Variants in TUSC3 observed in about 807,000 individuals in gnomAD.
TUSC3 encodes the protein tumor suppressor candidate 3.
In TUSC3, 45 loss-of-function variants were observed where a neutral mutation model predicts 44.8. That is an observed-to-expected ratio of 1.00 (90% CI 0.79 to 1.29). TUSC3 has a LOEUF of 1.29. TUSC3 is among the 50% of genes most tolerant of loss of function. TUSC3 has a pLI of 0.00. For missense variants in TUSC3, 519 were observed against 437.9 expected (o/e 1.19, Z -1.65); for synonymous variants, 212 against 152.9 (o/e 1.39, Z -2.85).
At chr8:15,527,485 G>T (rs2129130332) in intron 2 of TUSC3, among the ~76,000 whole-genome samples, 1 of 152,228 alleles carries the variant, frequency 6.6e-6, no homozygotes, top group South Asian at 2.1e-4. Flanking sequence ...CCAAAGTGCT[G>T]GGATTACAGA....
chr8:15,666,846 A>G (rs775413584), intron 5 of TUSC3, among the ~76,000 whole-genome samples: 2 of 151,608 alleles, frequency 1.3e-5, no homozygotes, highest in East Asian at 1.9e-4. Flanking sequence ...AGGTATTTCT[A>G]TGTATAGCCA....
the TUSC3 span, among the ~76,000 whole-genome samples, chr8:15,839,325 C>T: frequency 2.6e-5 from 4 of 151,954 alleles, no homozygotes; most frequent in African/African-American, 9.7e-5. Flanking sequence ...TTGACTTCCT[C>T]TTTTCCTAAT....
chr8:15,448,117 A>ATATATATATATATATT lies in TUSC3; in HGVS notation n.91+30815_91+30816insATATATATATATTTAT, dbSNP rs1276079521. 5.5e-4 allele frequency among the ~76,000 whole-genome samples: 51 copies of ATATATATATATATATT among 93,350 alleles called. 2 individuals are homozygous for ATATATATATATATATT. The highest frequency in any genetic ancestry group is 3.2e-3 in the Admixed American group (29 of 9,174). The allele number at this position is 93,350 out of a possible 152,430, so 61.2% of individuals were successfully genotyped here. The stretch of plus-strand genomic sequence containing the variant: ...TATGGTAGTGTATATACATATATAT[A>ATATATATATATATATT]TATTTATTTATTTATTTTTTAGATG... On this transcript the variant is annotated intron_variant and non_coding_transcript_variant, in intron 1 of 5. Coordinates refer to the TUSC3 transcript ENST00000503191.
intron 6 of TUSC3, among the ~76,000 whole-genome samples, chr8:15,676,080 C>A (rs1316028439): frequency 2.6e-5 from 4 of 152,140 alleles, no homozygotes; most frequent in African/African-American, 9.7e-5. Flanking sequence ...TTCTACACAG[C>A]CTTGCCAGCA....
In TUSC3 at chr8:15,492,951, C is replaced by G. The variant is rs536967618; in HGVS notation, n.189+9468C>G. Among the ~76,000 whole-genome samples the G allele has an allele frequency of 3.9e-5, 6 of 152,180 alleles. No homozygotes were observed. The East Asian group carries it at 1.2e-3, about 29-fold the overall frequency. On this transcript the variant is annotated intron_variant and non_coding_transcript_variant, in intron 2 of 5. Transcript: ENST00000503191. ...TGAAAAAAAGACAAAACTGTTGCCA[C>G]TGCACTCCAGCCTGTGTAACAGAGA... is the stretch of plus-strand genomic sequence containing the variant.
chr8:15,478,146 G>A (rs981723317), intron 1 of TUSC3, among the ~76,000 whole-genome samples: 10 of 151,872 alleles, frequency 6.6e-5, no homozygotes, highest in Non-Finnish European at 1.2e-4. Flanking sequence ...TAGTAGAGAC[G>A]GGGTTTCTAC....
At chr8:15,691,090 TG>T (rs1203797304) in intron 6 of TUSC3, among the ~76,000 whole-genome samples, 15 of 152,060 alleles carry the variant, frequency 9.9e-5, no homozygotes, top group Admixed American at 3.3e-4. Flanking sequence ...TGGATTGCTT[TG>T]GGCAGTGTGG....
intron 3 of TUSC3, among the ~76,000 whole-genome samples, chr8:15,658,694 A>G (rs550547381): frequency 1.3e-5 from 2 of 151,724 alleles, no homozygotes; most frequent in African/African-American, 4.8e-5. Context: ...ATATATATAC[A>G]CATACAATAT....
chr8:15,449,054 A>G (rs781456619), intron 1 of TUSC3, among the ~76,000 whole-genome samples: 18 of 152,178 alleles, frequency 1.2e-4, no homozygotes, highest in Non-Finnish European at 1.9e-4. Context: ...GAGGACATCT[A>G]TAAATTTAGA....
At chr8:15,724,530 CTG>C (rs1328471143) in intron 6 of TUSC3, among the ~76,000 whole-genome samples, 4 of 152,116 alleles carry the variant, frequency 2.6e-5, no homozygotes, top group East Asian at 3.9e-4. Context: ...TTTTTTCCCT[CTG>C]TTTCGTTTTT....
intron 6 of TUSC3, among the ~76,000 whole-genome samples, chr8:15,702,127 T>G (rs1809432973): frequency 6.6e-6 from 1 of 152,150 alleles, no homozygotes; most frequent in Non-Finnish European, 1.5e-5. Flanking sequence ...AGAGAGCCTA[T>G]TTTCTTGGCC....
At chr8:15,626,094 C>T (rs984792984) in intron 2 of TUSC3, among the ~76,000 whole-genome samples, 5 of 152,078 alleles carry the variant, frequency 3.3e-5, no homozygotes, top group African/African-American at 7.2e-5. Context: ...TGGGGAGACC[C>T]GTGTGCACCG....
the TUSC3 span, among the ~76,000 whole-genome samples, chr8:15,821,482 A>G: frequency 1.0e-3 from 152 of 149,250 alleles, 2 homozygotes; most frequent in Non-Finnish European, 1.9e-3. Flanking sequence ...TTTCTTTCCA[A>G]TCTCAGCCTT....
At chr8:15,661,742 A>G (rs1296938461) in intron 4 of TUSC3, among the ~76,000 whole-genome samples, 1 of 152,010 alleles carries the variant, frequency 6.6e-6, no homozygotes, top group Non-Finnish European at 1.5e-5. Flanking sequence ...AAAGTAGCAC[A>G]CAGAATGGGG....
intron 2 of TUSC3, among the ~76,000 whole-genome samples, chr8:15,483,674 G>A (rs1436727545): frequency 7.1e-5 from 1 of 13,992 alleles, no homozygotes; most frequent in Non-Finnish European, 1.9e-4. Context: ...TTTTTTTTTT[G>A]AGACTAAGTT....
At chr8:15,776,367 C>T in the TUSC3 span, among the ~76,000 whole-genome samples, 3 of 151,970 alleles carry the variant, frequency 2.0e-5, no homozygotes, top group East Asian at 3.9e-4. Flanking sequence ...AAGAAACACA[C>T]GTCTTACCAT....
intron 1 of TUSC3, among the ~76,000 whole-genome samples, chr8:15,438,326 C>A (rs1475626620): frequency 1.3e-5 from 2 of 152,144 alleles, no homozygotes; most frequent in Non-Finnish European, 2.9e-5. Context: ...AAACTCCAGA[C>A]CTCAGGTGGT....
chr8:15,638,968 T>G (rs887270084), intron 2 of TUSC3, among the ~76,000 whole-genome samples: 1 of 148,046 alleles, frequency 6.8e-6, no homozygotes, highest in Non-Finnish European at 1.5e-5. Flanking sequence ...TGATCATGTG[T>G]CGATGCTAGA....
intron 1 of TUSC3, among the ~76,000 whole-genome samples, chr8:15,570,487 GGAA>G (rs1255770356): frequency 6.6e-6 from 1 of 151,992 alleles, no homozygotes. Context: ...AAAAGAGCTT[GGAA>G]GAAGAAATTG....
Sources: gnomAD v4.1 joint callset for allele counts (sites outside exome capture counted in the v4.1 genomes callset) on GRCh38, gnomAD v4.1.1 for gene constraint, MANE v1.5 for transcripts, NCBI Gene and HGNC (gene_info 2026-07-23, HGNC 2026-07-21) for gene names.